Variants in ART3 observed in about 807,000 individuals in gnomAD.
The protein encoded by ART3 is ecto-ADP-ribosyltransferase 3.
Under a neutral mutation model 48.5 loss-of-function variants are expected in ART3, and 49 were observed. That is an observed-to-expected ratio of 1.01 (90% CI 0.80 to 1.28). ART3 has a LOEUF of 1.28. Ranked by LOEUF, ART3 falls within the 50% of genes most tolerant of loss-of-function variation. ART3 has a pLI of 0.00. For synonymous variants in ART3, 145 were observed against 157.2 expected (o/e 0.92, Z 0.58); for missense variants, 438 against 454.3 (o/e 0.96, Z 0.33).
rs56990799 is a variant in ART3 at position 76,048,149 on chromosome 4, G to C, written c.-9-27732G>C. ...GGAGCTATAGGGAGGCTAGGATATGGGGATAAGCTGAGAGGTCCTCCTGTA... is the reference window on the plus strand; with the variant it reads ...GGAGCTATAGGGAGGCTAGGATATGCGGATAAGCTGAGAGGTCCTCCTGTA... On this transcript the variant is annotated intron_variant, in intron 1 of 9. Transcript: ENST00000341029. Among the ~76,000 whole-genome samples the C allele has an allele frequency of 5.8e-3, 877 of 152,028 alleles. 20 individuals carry two copies. Among genetic ancestry groups the C allele is most frequent in the African/African-American group, 0.02 (834 of 41,514 alleles).
At chr4:76,023,383 T>G (rs755160508) in intron 1 of ART3, 1 of 1,613,368 alleles carries the variant, frequency 6.2e-7, no homozygotes, top group African/African-American at 1.3e-5. Context: ...TGAATGCCAC[T>G]TAGAGTCAGA....
chr4:76,096,617 A>G (rs1345008286), intron 3 of ART3, among the ~76,000 whole-genome samples: 1 of 152,148 alleles, frequency 6.6e-6, no homozygotes, highest in Admixed American at 6.5e-5. Context: ...CCCAATCTGT[A>G]TACTGTCTCA....
chr4:76,103,464 C>G (rs548935993), intron 8 of ART3, among the ~76,000 whole-genome samples: 1 of 152,234 alleles, frequency 6.6e-6, no homozygotes, highest in South Asian at 2.1e-4. Context: ...TCGCTCCGTG[C>G]AGTGTACCAA....
chr4:76,081,956 A>G lies in ART3; in HGVS notation c.202A>G (p.Thr68Ala), dbSNP rs371468481. Residue 68 changes from threonine to alanine, a missense_variant, in exon 3 of 12, where the codon ACT becomes GCT. Transcript: ENST00000355810. Reference protein sequence around the residue: ...EEKASHQQLDTVWENAKAKWA... With the variant: ...EEKASHQQLDAVWENAKAKWA... Reference sequence around the variant, plus strand: ...AAAAGCAAGCCACCAGCAATTAGATACTGTGTGGGAAAATGCAAAAGCCAA... The same window carrying G: ...AAAAGCAAGCCACCAGCAATTAGATGCTGTGTGGGAAAATGCAAAAGCCAA... 1 of 1,614,074 alleles carries G rather than the reference A, an allele frequency of 6.2e-7. No individual in the cohort carries two copies. Among genetic ancestry groups the G allele is most frequent in the African/African-American group, 1.3e-5 (1 of 74,936 alleles).
intron 1 of ART3, among the ~76,000 whole-genome samples, chr4:76,044,412 G>A (rs906229880): frequency 1.3e-5 from 2 of 151,972 alleles, no homozygotes; most frequent in Admixed American, 1.3e-4. Context: ...AGTCTATTTG[G>A]GATTGTAAAG....
chr4:76,083,439 T>A (rs921921409), intron 3 of ART3, among the ~76,000 whole-genome samples: 1 of 152,192 alleles, frequency 6.6e-6, no homozygotes, highest in African/African-American at 2.4e-5. Flanking sequence ...AGTTAAGAAT[T>A]TTTTATGTGT....
chr4:76,079,198 G>A (rs978967959), intron 2 of ART3, among the ~76,000 whole-genome samples: 9 of 127,760 alleles, frequency 7.0e-5, no homozygotes, highest in Non-Finnish European at 9.7e-5. Flanking sequence ...AAAAAAAGGC[G>A]GGGGGCTAAT....
chr4:76,100,267 A>T, intron 5 of ART3, 24 bp from the exon 6 acceptor site: 1 of 1,609,804 alleles, frequency 6.2e-7, no homozygotes. Flanking sequence ...GTTAAAACTG[A>T]TGAACTTCTT....
chr4:76,108,059 G>C (rs1728810589), intron 11 of ART3, among the ~76,000 whole-genome samples: 1 of 149,888 alleles, frequency 6.7e-6, no homozygotes, highest in Non-Finnish European at 1.5e-5. Flanking sequence ...AAGACTGGGA[G>C]CAAAATATAA....
intron 8 of ART3, among the ~76,000 whole-genome samples, chr4:76,102,259 G>A (rs778626953): frequency 3.3e-5 from 5 of 152,116 alleles, no homozygotes; most frequent in Non-Finnish European, 5.9e-5. Context: ...TTGAAGCATC[G>A]GGAACTTCAT....
intron 5 of ART3, 81 bp downstream of exon 5, chr4:76,099,068 G>T: frequency 8.0e-7 from 1 of 1,254,312 alleles, no homozygotes; most frequent in Non-Finnish European, 1.2e-6. Flanking sequence ...TTGGAAGGCC[G>T]AGGTGAGTGG....
intron 3 of ART3, among the ~76,000 whole-genome samples, chr4:76,095,377 G>A (rs547406255): frequency 7.3e-4 from 111 of 152,196 alleles, no homozygotes; most frequent in African/African-American, 2.6e-3. Flanking sequence ...ATGTGGTGGT[G>A]GGTGCCTGTA....
Position 76,098,939 on chromosome 4 carries a change from C to T in ART3, c.815-16C>T. 1 of 1,596,574 alleles carries T rather than the reference C, an allele frequency of 6.3e-7. No individual in the cohort carries two copies. Among genetic ancestry groups the T allele is most frequent in the Non-Finnish European group, 8.6e-7 (1 of 1,164,276 alleles). ...TGAGCATAGTACCATGTAATGAAAA[C>T]ATGTCTGTATTTCAGAATATTTTCA... On this transcript the variant is annotated splice_polypyrimidine_tract_variant and intron_variant, in intron 4 of 11. Coordinates refer to ENST00000355810, the MANE Select transcript of ART3 (RefSeq NM_001130016.3).
intron 3 of ART3, among the ~76,000 whole-genome samples, chr4:76,088,955 C>T (rs970351955): frequency 3.9e-5 from 6 of 152,120 alleles, no homozygotes; most frequent in Non-Finnish European, 7.4e-5. Flanking sequence ...AAAGCTGGAT[C>T]TTTTTAGCAA....
intron 1 of ART3, among the ~76,000 whole-genome samples, chr4:76,052,714 C>CTTTTTTTTTTTTTTTT (rs10644249): frequency 1.4e-5 from 2 of 142,588 alleles, no homozygotes; most frequent in Non-Finnish European, 1.5e-5. Context: ...TTTCTTTTTT[C>CTTTTTTTTTTTTTTTT]CTTCTTTTTT....
chr4:76,025,184 T>C (rs1285799124), intron 1 of ART3, among the ~76,000 whole-genome samples: 2 of 96,332 alleles, frequency 2.1e-5, no homozygotes, highest in Non-Finnish European at 4.0e-5. Context: ...GAAAGTCTTA[T>C]GAGAAATAGT....
chr4:76,101,714 T>C (rs1180382949), intron 8 of ART3, among the ~76,000 whole-genome samples: 2 of 152,080 alleles, frequency 1.3e-5, no homozygotes, highest in Non-Finnish European at 2.9e-5. Context: ...ATCGCGCCAC[T>C]GCACTCTAGC....
chr4:76,060,379 T>A (rs1423233497), intron 1 of ART3, among the ~76,000 whole-genome samples: 1 of 152,196 alleles, frequency 6.6e-6, no homozygotes, highest in African/African-American at 2.4e-5. Flanking sequence ...TTCTCTCTCA[T>A]GAAAATCTCT....
intron 5 of ART3, 103 bp from the exon 6 acceptor site, chr4:76,100,188 C>A: frequency 1.7e-6 from 2 of 1,202,932 alleles, no homozygotes; most frequent in Admixed American, 1.9e-5. Context: ...TCAAATGGTT[C>A]TTTATAGTCA....
Sources: allele counts gnomAD v4.1 joint callset (sites outside exome capture counted in the v4.1 genomes callset), GRCh38; gene constraint gnomAD v4.1.1; transcripts MANE v1.5; gene names NCBI Gene and HGNC (gene_info 2026-07-23, HGNC 2026-07-21).